PCNX2: variants seen among roughly 807,000 people sequenced by gnomAD.
The protein encoded by PCNX2 is pecanex 2.
In PCNX2, 168 loss-of-function variants were observed where a neutral mutation model predicts 223.8. That is an observed-to-expected ratio of 0.75 (90% CI 0.66 to 0.85). The LOEUF is 0.85. Ranked by LOEUF, PCNX2 falls within the 40% of genes least tolerant of loss-of-function variation. The probability of loss-of-function intolerance (pLI) is 0.00; values close to 1 mark genes in which losing one functional copy is unlikely to be tolerated. For synonymous variants in PCNX2, 1,006 were observed against 1,052.6 expected (o/e 0.96, Z 0.86); for missense variants, 2,507 against 2,675.5 (o/e 0.94, Z 1.39).
chr1:233,285,584 A>G (rs1263574977), intron 1 of PCNX2, among the ~76,000 whole-genome samples: 1 of 152,152 alleles, frequency 6.6e-6, no homozygotes, highest in Non-Finnish European at 1.5e-5. Context: ...CTGAGGTAGG[A>G]GAATTGCTTG....
In PCNX2 at chr1:233,166,456, C is replaced by A. The variant is rs149366292; in HGVS notation, c.3274-5093G>T. On this transcript the variant is annotated intron_variant, in intron 17 of 33. Transcript: ENST00000258229. The stretch of plus-strand genomic sequence containing the variant: ...CGAAAGACACTTACAAAAAGGCAAG[C>A]CAAAGACTAGGGAAAAAAAAATTAC... Among the ~76,000 whole-genome samples, 678 of 76,718 alleles carry A rather than the reference C, an allele frequency of 8.8e-3. 5 individuals are homozygous for A. Among genetic ancestry groups the A allele is most frequent in the African/African-American group, 0.054 (640 of 11,926 alleles). 50.3% of individuals were successfully genotyped at this position (76,718 alleles called of 152,430 possible). A position where few individuals can be genotyped will look rare whatever the true frequency, so the allele number is the denominator to read the frequency against.
chr1:233,268,667 T>C (rs1660475126), intron 1 of PCNX2, among the ~76,000 whole-genome samples: 1 of 152,148 alleles, frequency 6.6e-6, no homozygotes. Flanking sequence ...AACCAGAGAC[T>C]CAGGAGAAAG....
chr1:233,052,835 C>T (rs1672055669), intron 25 of PCNX2, among the ~76,000 whole-genome samples: 1 of 152,032 alleles, frequency 6.6e-6, no homozygotes, highest in Non-Finnish European at 1.5e-5. Context: ...TTCCAGGCTT[C>T]CCTGTTTTAG....
intron 21 of PCNX2, among the ~76,000 whole-genome samples, chr1:233,102,288 G>A (rs1379088653): frequency 6.6e-6 from 1 of 152,102 alleles, no homozygotes; most frequent in Non-Finnish European, 1.5e-5. Flanking sequence ...TGCTGATGGG[G>A]ACTGAGGTTG....
intron 21 of PCNX2, among the ~76,000 whole-genome samples, chr1:233,113,185 T>C (rs1010660285): frequency 6.6e-6 from 1 of 152,226 alleles, no homozygotes; most frequent in Non-Finnish European, 1.5e-5. Flanking sequence ...TTATTCTTCC[T>C]GGTTTTGCAA....
At chr1:233,112,696 T>C (rs2102978841) in intron 21 of PCNX2, 1 of 621,456 alleles carries the variant, frequency 1.6e-6, no homozygotes, top group Non-Finnish European at 2.3e-6. Context: ...GATGAATGTG[T>C]CTGTGTAGAT....
At chr1:233,082,801 C>A (rs1393161663) in intron 23 of PCNX2, among the ~76,000 whole-genome samples, 1 of 152,152 alleles carries the variant, frequency 6.6e-6, no homozygotes, top group Non-Finnish European at 1.5e-5. Context: ...GAACTTCTTT[C>A]TTTGATTGCC....
rs1677013077 is a variant in PCNX2 at position 233,139,939 on chromosome 1, C to T, written c.3518-84G>A. On this transcript the variant is annotated intron_variant, in intron 19 of 33. Transcript: ENST00000258229. This position sits in a 1 kb window ranked among gnomAD's most constrained non-coding sequence, Gnocchi z 4.4. ...TACAGGTAATAATAAGTAATATTCC[C>T]CCCCTTTAATTCAAAAGCTGCTAAT... 6.8e-7 allele frequency: 1 copy of T among 1,468,394 alleles called. No homozygotes were observed. The highest frequency in any genetic ancestry group is 1.4e-5 in the African/African-American group (1 of 70,458). The allele number at this position is 1,468,394 out of a possible 1,614,324, so 91.0% of individuals were successfully genotyped here. A position where few individuals can be genotyped will look rare whatever the true frequency, so the allele number is the denominator to read the frequency against.
At chr1:233,306,133 A>T in the PCNX2 span, among the ~76,000 whole-genome samples, 1 of 152,228 alleles carries the variant, frequency 6.6e-6, no homozygotes. Flanking sequence ...GACAAAATAG[A>T]CTTTGATACA....
chr1:233,222,792 T>C (rs1657464993), intron 10 of PCNX2, among the ~76,000 whole-genome samples: 1 of 152,282 alleles, frequency 6.6e-6, no homozygotes, highest in African/African-American at 2.4e-5. Flanking sequence ...GGAGTTTTCA[T>C]CACCTGAGAT....
At chr1:233,305,213 T>A in the PCNX2 span, among the ~76,000 whole-genome samples, 1 of 152,142 alleles carries the variant, frequency 6.6e-6, no homozygotes, top group Non-Finnish European at 1.5e-5. Context: ...CATATTTGTT[T>A]TAAAAGACAA....
Position 233,054,320 on chromosome 1 carries a change from A to G in PCNX2, c.4299T>C (p.Ile1433=), listed in dbSNP as rs1558190513. ...AGGTGACAAGACCATTTCCAATTTCAATCAGGTGAACAAAGGCATTGAGGT... is the reference window on the plus strand; with the variant it reads ...AGGTGACAAGACCATTTCCAATTTCGATCAGGTGAACAAAGGCATTGAGGT... ...SDDLNAFVHL[I]EIGNGLVTFQ... Residue 1433 remains isoleucine, a synonymous_variant, in exon 25 of 34, where the codon ATT becomes ATC. Transcript: ENST00000258229. 1.9e-6 allele frequency: 3 copies of G among 1,613,960 alleles called. No individual in the cohort carries two copies. Among genetic ancestry groups the G allele is most frequent in the Non-Finnish European group, 2.5e-6 (3 of 1,179,874 alleles).
At chr1:233,072,708 T>C (rs1672910809) in intron 23 of PCNX2, among the ~76,000 whole-genome samples, 1 of 152,218 alleles carries the variant, frequency 6.6e-6, no homozygotes, top group African/African-American at 2.4e-5. Context: ...AATTGATTGT[T>C]ATGTGTTAAA....
intron 26 of PCNX2, chr1:233,018,716 T>A: frequency 1.0e-6 from 1 of 968,540 alleles, no homozygotes; most frequent in Non-Finnish European, 1.2e-6. Context: ...CAGGTGGTGC[T>A]CCAGGCTATT....
intron 4 of PCNX2, among the ~76,000 whole-genome samples, chr1:233,260,434 T>C (rs989728408): frequency 6.6e-6 from 1 of 152,250 alleles, no homozygotes; most frequent in African/African-American, 2.4e-5. Flanking sequence ...TGCTTGTATA[T>C]GTGTATATAA....
intron 15 of PCNX2, among the ~76,000 whole-genome samples, chr1:233,181,896 C>T (rs1476027763): frequency 6.6e-6 from 1 of 152,202 alleles, no homozygotes; most frequent in Admixed American, 6.5e-5. Flanking sequence ...GATTAGGTTT[C>T]AACATGAATT....
At chr1:233,324,598 ATTTTTTTTT>A in the PCNX2 span, among the ~76,000 whole-genome samples, 1 of 127,554 alleles carries the variant, frequency 7.8e-6, no homozygotes, top group Non-Finnish European at 1.6e-5. Flanking sequence ...GTTTACTGAA[ATTTTTTTTT>A]TTTTTTTTTT....
intron 25 of PCNX2, chr1:233,031,639 T>C: frequency 1.8e-6 from 1 of 560,588 alleles, no homozygotes; most frequent in Non-Finnish European, 2.3e-6. Flanking sequence ...TAACAGTCTA[T>C]GAAATAGGAG....
chr1:233,184,256 G>A (rs775324622), intron 15 of PCNX2, among the ~76,000 whole-genome samples: 1 of 152,036 alleles, frequency 6.6e-6, no homozygotes, highest in East Asian at 1.9e-4. Context: ...AAGGGAACAA[G>A]TGTTGGCAGA....
Sources: gnomAD v4.1 joint callset for allele counts (sites outside exome capture counted in the v4.1 genomes callset) on GRCh38, gnomAD v4.1.1 for gene constraint, Gnocchi (gnomAD v3.1) non-coding constraint, MANE v1.5 for transcripts, NCBI Gene and HGNC (gene_info 2026-07-23, HGNC 2026-07-21) for gene names.